Variants in ZGRF1 observed in about 807,000 individuals in gnomAD.
ZGRF1 encodes 5'-3' DNA helicase ZGRF1.
In ZGRF1, 196 loss-of-function variants were observed where a neutral mutation model predicts 203.5. That is an observed-to-expected ratio of 0.96 (90% confidence interval 0.86 to 1.08). The LOEUF (loss-of-function observed/expected upper bound fraction) is 1.08. Among genes scored for constraint, ZGRF1 ranks in the 50% least tolerant of loss-of-function variants. The pLI is 0.00. For missense variants in ZGRF1, 2,326 were observed against 2,416.3 expected (o/e 0.96, Z 0.78); for synonymous variants, 809 against 841.3 (o/e 0.96, Z 0.66).
intron 22 of ZGRF1, among the ~76,000 whole-genome samples, chr4:112,552,047 G>A (rs573353189): frequency 7.2e-5 from 11 of 152,152 alleles, no homozygotes; most frequent in Admixed American, 7.2e-4. Context: ...GGAGGCAGAG[G>A]TGGGAGGATC....
intron 9 of ZGRF1, 52 bp from the exon 10 acceptor site, chr4:112,603,749 A>G: frequency 1.5e-6 from 2 of 1,375,930 alleles, no homozygotes; most frequent in Non-Finnish European, 2.0e-6. Context: ...GTTGACATAT[A>G]TATTCACAAA....
At chr4:112,624,181 G>A (rs1168227589) in intron 3 of ZGRF1, among the ~76,000 whole-genome samples, 2 of 150,218 alleles carry the variant, frequency 1.3e-5, no homozygotes, top group South Asian at 2.1e-4. Context: ...AAAAAAAAAG[G>A]AATTCAAGAA....
intron 1 of ZGRF1, among the ~76,000 whole-genome samples, chr4:112,635,386 T>C (rs2047563766): frequency 6.6e-6 from 1 of 151,938 alleles, no homozygotes; most frequent in Non-Finnish European, 1.5e-5. Flanking sequence ...AACTGTTAAA[T>C]GCTTTATTTG....
intron 7 of ZGRF1, among the ~76,000 whole-genome samples, chr4:112,612,160 T>G (rs1175086536): frequency 1.3e-5 from 2 of 152,122 alleles, no homozygotes; most frequent in African/African-American, 4.8e-5. Context: ...GAGATGGGGT[T>G]TCACCACATC....
In ZGRF1 at chr4:112,560,892, C is replaced by T; in HGVS notation, c.4801G>A (p.Ala1601Thr). 1 of 1,613,682 alleles carries T rather than the reference C, an allele frequency of 6.2e-7. No individual in the cohort carries two copies. The highest frequency in any genetic ancestry group is 1.1e-5 in the South Asian group (1 of 91,076). ...STKFELLSLG[A>T]TLKLASELIQ... ...AACTCACTAGCTAACTTCAATGTTG[C>T]TCCTAGGCTGAGTAGTTCAAATTTT... The change falls in exon 19 of 28, where the codon GCA (alanine) becomes ACA (threonine). Residue 1601 changes from alanine (A) to threonine (T), a missense_variant. Physicochemically the swap from Ala to Thr is moderately conservative, Grantham distance 58. Coordinates refer to ENST00000505019, the MANE Select transcript of ZGRF1 (RefSeq NM_018392.5).
chr4:112,632,892 G>A (rs1273403134), intron 2 of ZGRF1, among the ~76,000 whole-genome samples: 2 of 152,182 alleles, frequency 1.3e-5, no homozygotes, highest in Non-Finnish European at 2.9e-5. Flanking sequence ...TAGCCAAAAG[G>A]CTGAAAAGTG....
intron 10 of ZGRF1, among the ~76,000 whole-genome samples, chr4:112,597,853 C>T (rs1023421480): frequency 1.1e-4 from 16 of 150,730 alleles, no homozygotes; most frequent in African/African-American, 2.7e-4. Context: ...CACTTCACTC[C>T]GGCCTGGGTG....
intron 17 of ZGRF1, 57 bp downstream of exon 17, chr4:112,563,074 A>C (rs1742309058): frequency 2.1e-6 from 3 of 1,427,774 alleles, no homozygotes; most frequent in African/African-American, 1.4e-5. Flanking sequence ...CAAACAGTGC[A>C]TCTTATGTCT....
rs568269902 is a variant in ZGRF1, at chr4:112,635,590, A to G, written c.-67+1261T>C. On this transcript the variant is annotated intron_variant, in intron 1 of 27. Coordinates refer to ENST00000505019, the MANE Select transcript of ZGRF1 (RefSeq NM_018392.5). ...TTATATACATTATATTGTTAATTAT[A>G]TACATTATAATTATTATGTAATTAT... Among the ~76,000 whole-genome samples the G allele has an allele frequency of 1.4e-4, 21 of 149,000 alleles. No individual in the cohort carries two copies. In the South Asian group the frequency reaches 4.2e-3, roughly 30 times the overall value.
chr4:112,631,305 T>C (rs927223200), intron 3 of ZGRF1, among the ~76,000 whole-genome samples: 2 of 152,180 alleles, frequency 1.3e-5, no homozygotes, highest in South Asian at 4.1e-4. Flanking sequence ...CCTGGCCTTA[T>C]CATTTATGTT....
At chr4:112,609,677 C>A (rs1358063731) in intron 7 of ZGRF1, among the ~76,000 whole-genome samples, 1 of 151,582 alleles carries the variant, frequency 6.6e-6, no homozygotes, top group Admixed American at 6.6e-5. Flanking sequence ...TGTGGTGGCA[C>A]ACCCCAGCTA....
chr4:112,544,232 G>A (rs1400080021), intron 24 of ZGRF1, among the ~76,000 whole-genome samples: 1 of 152,068 alleles, frequency 6.6e-6, no homozygotes, highest in East Asian at 1.9e-4. Flanking sequence ...TAATTAAGAA[G>A]GTAGAATAAA....
intron 22 of ZGRF1, among the ~76,000 whole-genome samples, chr4:112,553,463 CA>C (rs934015944): frequency 6.6e-6 from 1 of 152,228 alleles, no homozygotes; most frequent in African/African-American, 2.4e-5. Context: ...ATATTTTACT[CA>C]GGGTCAGATC....
chr4:112,600,659 C>G (rs1749808424), intron 10 of ZGRF1, among the ~76,000 whole-genome samples: 1 of 152,082 alleles, frequency 6.6e-6, no homozygotes, highest in South Asian at 2.1e-4. Flanking sequence ...GGGAGGGAAA[C>G]TGAGGTAGGG....
At chr4:112,610,853 G>T (rs1196594539) in intron 7 of ZGRF1, 1 of 184,064 alleles carries the variant, frequency 5.4e-6, no homozygotes, top group East Asian at 1.8e-4. Context: ...TGTTTAAGAA[G>T]AATTATTAAT....
chr4:112,602,812 TTA>T (rs886116398), intron 10 of ZGRF1, among the ~76,000 whole-genome samples: 2 of 152,178 alleles, frequency 1.3e-5, no homozygotes, highest in East Asian at 3.9e-4. Context: ...ATGATTCTAT[TTA>T]TATAAAGTTT....
intron 3 of ZGRF1, among the ~76,000 whole-genome samples, chr4:112,624,750 G>T (rs187229038): frequency 1.6e-4 from 24 of 152,094 alleles, no homozygotes; most frequent in African/African-American, 5.5e-4. Context: ...TTTTCCACTA[G>T]CCCTTTTAAT....
rs1424910972 is a variant in ZGRF1 at position 112,618,647 on chromosome 4, A to C, written c.1395T>G (p.Cys465Trp). ...GTTCATACTCCTTTTCCAGTGTTCC[A>C]CATGTATTTACCTCCTGAGCATTTT... ...IKENAQEVNT[C>W]GTLEKEYEQS... The change falls in exon 6 of 28, where the codon TGT (cysteine) becomes TGG (tryptophan). Residue 465 changes from cysteine (C) to tryptophan (W), a missense_variant. Cys to Trp is a radical substitution (Grantham distance 215). Transcript: ENST00000505019. 3 of 1,613,268 alleles carry C rather than the reference A, an allele frequency of 1.9e-6. No homozygotes were observed. Among genetic ancestry groups the C allele is most frequent in the Non-Finnish European group, 1.7e-6 (2 of 1,179,676 alleles).
intron 22 of ZGRF1, among the ~76,000 whole-genome samples, chr4:112,550,037 A>G (rs1403660383): frequency 1.3e-5 from 2 of 152,022 alleles, no homozygotes; most frequent in African/African-American, 4.8e-5. Flanking sequence ...CTAAACATAC[A>G]AAAAAATTAG....
Sources: gnomAD v4.1 joint callset for allele counts (sites outside exome capture counted in the v4.1 genomes callset) on GRCh38, gnomAD v4.1.1 for gene constraint, MANE v1.5 for transcripts, NCBI Gene and HGNC (gene_info 2026-07-23, HGNC 2026-07-21) for gene names.